Variants in SNRNP40 observed in about 807,000 individuals in gnomAD.
SNRNP40 encodes the protein U5 small nuclear ribonucleoprotein 40 kDa protein.
A neutral mutation model predicts 45.8 loss-of-function variants in SNRNP40; 21 were observed. That is an observed-to-expected ratio of 0.46 (90% confidence interval 0.32 to 0.66). SNRNP40 has a LOEUF of 0.66. Among genes scored for constraint, SNRNP40 ranks in the 30% least tolerant of loss-of-function variants. The probability of loss-of-function intolerance (pLI) is 0.03; values close to 1 mark genes in which losing one functional copy is unlikely to be tolerated. For synonymous variants in SNRNP40, 142 were observed against 163.8 expected, an observed-to-expected ratio of 0.87 and a Z score of 1.01; for missense variants, 344 against 439.1, an observed-to-expected ratio of 0.78 and a Z score of 1.94.
At chr1:31,287,570 T>C (rs1192721783) in intron 4 of SNRNP40, among the ~76,000 whole-genome samples, 2 of 152,334 alleles carry the variant, frequency 1.3e-5, no homozygotes, top group East Asian at 3.9e-4. Context: ...GTAAATCAGC[T>C]ACTGTTAAGA....
At chr1:31,281,580 C>T (rs1022455934) in intron 4 of SNRNP40, 84 bp from the exon 5 acceptor site, 7 of 1,267,832 alleles carry the variant, frequency 5.5e-6, no homozygotes, top group Non-Finnish European at 7.5e-6. Flanking sequence ...AGTACGAGGA[C>T]TTTGTGGACA....
At chr1:31,274,788 T>C (rs978262507) in intron 5 of SNRNP40, among the ~76,000 whole-genome samples, 7 of 152,080 alleles carry the variant, frequency 4.6e-5, no homozygotes, top group African/African-American at 1.4e-4. Context: ...GACTCCCCAA[T>C]CCTATTACCA....
At chr1:31,296,121 A>C (rs1402697071) in intron 1 of SNRNP40, among the ~76,000 whole-genome samples, 1 of 152,230 alleles carries the variant, frequency 6.6e-6, no homozygotes, top group Non-Finnish European at 1.5e-5. Context: ...TTCATATACG[A>C]AACACTTTAG....
intron 5 of SNRNP40, among the ~76,000 whole-genome samples, chr1:31,279,746 C>CA (rs201469487): frequency 0.036 from 5,415 of 149,602 alleles, 211 homozygotes; most frequent in Admixed American, 0.13. Flanking sequence ...GACTCTGTCT[C>CA]AAAAAAAAGA....
At chr1:31,261,288 T>G (rs1645857481) in intron 9 of SNRNP40, 3 of 487,892 alleles carry the variant, frequency 6.1e-6, no homozygotes, top group African/African-American at 4.0e-5. Flanking sequence ...GAGGCAGAGG[T>G]TGCAGTGAGC....
intron 4 of SNRNP40, chr1:31,282,155 G>A (rs1433124256): frequency 1.3e-5 from 2 of 152,068 alleles, no homozygotes; most frequent in Non-Finnish European, 2.9e-5. Flanking sequence ...CATATTCCCA[G>A]TATGGTTTCC....
Position 31,296,593 on chromosome 1 carries a change from G to A in SNRNP40, c.141+18C>T, listed in dbSNP as rs767307184. 32 of 1,601,040 alleles carry A rather than the reference G, an allele frequency of 2.0e-5. 1 individual carries two copies. The East Asian group carries it at 7.1e-4, about 36-fold the overall frequency. On this transcript the variant is annotated intron_variant, in intron 1 of 9. Coordinates refer to ENST00000263694, the MANE Select transcript of SNRNP40 (RefSeq NM_004814.3). Reference sequence around the variant, plus strand: ...GAAGATGAGCTGAGGGCCAAAGGCCGCCTGCTTCTTCACTTACCGCTTGCA... The same window carrying A: ...GAAGATGAGCTGAGGGCCAAAGGCCACCTGCTTCTTCACTTACCGCTTGCA...
chr1:31,293,143 G>C, intron 2 of SNRNP40, 76 bp downstream of exon 2: 4 of 1,519,938 alleles, frequency 2.6e-6, no homozygotes, highest in Non-Finnish European at 3.6e-6. Context: ...GATACCTTCT[G>C]TGGCACCCAA....
intron 3 of SNRNP40, among the ~76,000 whole-genome samples, chr1:31,289,801 G>C (rs913091138): frequency 6.6e-6 from 1 of 152,114 alleles, no homozygotes; most frequent in Non-Finnish European, 1.5e-5. Flanking sequence ...CTGTGGTACC[G>C]ACCTGACAGC....
intron 3 of SNRNP40, among the ~76,000 whole-genome samples, chr1:31,289,670 C>T (rs1168137737): frequency 6.6e-6 from 1 of 152,168 alleles, no homozygotes; most frequent in Non-Finnish European, 1.5e-5. Context: ...CCATGACATA[C>T]ATCTAATGTA....
chr1:31,295,954 AG>A, intron 1 of SNRNP40, among the ~76,000 whole-genome samples: 1 of 152,250 alleles, frequency 6.6e-6, no homozygotes, highest in South Asian at 2.1e-4. Flanking sequence ...GGACATTAGA[AG>A]TGTGATCACT....
intron 4 of SNRNP40, among the ~76,000 whole-genome samples, chr1:31,288,598 T>C (rs1382067471): frequency 6.6e-6 from 1 of 152,116 alleles, no homozygotes; most frequent in African/African-American, 2.4e-5. Flanking sequence ...GATGTTTAAG[T>C]TCCCATCTTG....
chr1:31,292,985 C>T (rs890963528), intron 2 of SNRNP40: 4 of 517,930 alleles, frequency 7.7e-6, no homozygotes, highest in Non-Finnish European at 1.4e-5. Context: ...CATTCTCAAA[C>T]CAGAACAACT....
In SNRNP40 at chr1:31,296,604, C is replaced by A. The variant is rs753312557; in HGVS notation, c.141+7G>T. ...GAGGGCCAAAGGCCGCCTGCTTCTT[C>A]ACTTACCGCTTGCAGCAAGGCTCCC... On this transcript the variant is annotated splice_region_variant and intron_variant, in intron 1 of 9. Coordinates refer to ENST00000263694, the MANE Select transcript of SNRNP40 (RefSeq NM_004814.3). 1.2e-6 allele frequency: 2 copies of A among 1,607,124 alleles called. No homozygotes were observed. The highest frequency in any genetic ancestry group is 1.7e-6 in the Non-Finnish European group (2 of 1,176,898).
At chr1:31,268,789 T>C (rs757506143) in intron 7 of SNRNP40, among the ~76,000 whole-genome samples, 1 of 152,184 alleles carries the variant, frequency 6.6e-6, no homozygotes, top group Non-Finnish European at 1.5e-5. Context: ...GGTCACGGGA[T>C]GCGGAGGCAG....
intron 5 of SNRNP40, among the ~76,000 whole-genome samples, chr1:31,274,246 CTGAT>C (rs560642437): frequency 1.3e-3 from 194 of 152,102 alleles, no homozygotes; most frequent in African/African-American, 3.7e-3. Flanking sequence ...CATTGATTAA[CTGAT>C]TGATTGAGAC....
chr1:31,259,994 G>T lies in SNRNP40; in HGVS notation c.*78C>A. The T allele has an allele frequency of 9.5e-7, 1 of 1,048,240 alleles. No homozygotes were observed. Among genetic ancestry groups the T allele is most frequent in the Non-Finnish European group, 1.5e-6 (1 of 664,520 alleles). The allele number at this position is 1,048,240 out of a possible 1,614,324, so 64.9% of individuals were successfully genotyped here. On this transcript the variant is annotated 3_prime_UTR_variant, in exon 10 of 10. Coordinates refer to ENST00000263694, the MANE Select transcript of SNRNP40 (RefSeq NM_004814.3). Reference sequence around the variant, plus strand: ...CATCTGAAGGGAGGGTGCTAGCCTGGACATCCAACATTTGGCATCACTTAT... The same window carrying T: ...CATCTGAAGGGAGGGTGCTAGCCTGTACATCCAACATTTGGCATCACTTAT...
intron 3 of SNRNP40, among the ~76,000 whole-genome samples, chr1:31,290,433 C>G (rs1441053673): frequency 6.6e-6 from 1 of 152,112 alleles, no homozygotes; most frequent in East Asian, 1.9e-4. Flanking sequence ...GAATGTTTAC[C>G]AGACTACCTA....
At position 31,288,761 on chromosome 1, in the gene SNRNP40, C is replaced by CGG. The variant is rs1404585336; in HGVS notation, c.531+492_531+493insCC. On this transcript the variant is annotated intron_variant, in intron 4 of 9. Coordinates refer to ENST00000263694, the MANE Select transcript of SNRNP40 (RefSeq NM_004814.3). ...ACTGTCACAGTTCTTTTTTTTGAGA[C>CGG]AGAGTCTCGCTCTGTCGCCCAGGCT... is the stretch of plus-strand genomic sequence containing the variant. Among the ~76,000 whole-genome samples the CGG allele has an allele frequency of 2.7e-5, 4 of 149,902 alleles. No homozygotes were observed. The East Asian group carries it at 7.9e-4, about 29-fold the overall frequency.
Sources: allele counts gnomAD v4.1 joint callset (sites outside exome capture counted in the v4.1 genomes callset), GRCh38; gene constraint gnomAD v4.1.1; transcripts MANE v1.5; gene names NCBI Gene and HGNC (gene_info 2026-07-23, HGNC 2026-07-21).